Variants in CDH2 observed in about 807,000 individuals in gnomAD.
CDH2 encodes the protein cadherin-2.
Under a neutral mutation model 92.0 loss-of-function variants are expected in CDH2, and 17 were observed. The observed-to-expected ratio is 0.18, with a 90% CI of 0.13 to 0.28. The LOEUF (loss-of-function observed/expected upper bound fraction) is 0.28, where lower values mean the gene tolerates loss of function less well. Ranked by LOEUF, CDH2 falls within the 10% of genes least tolerant of loss-of-function variation. CDH2 has a pLI of 1.00. For synonymous variants in CDH2, 419 were observed against 415.9 expected (o/e 1.01, Z -0.09); for missense variants, 862 against 1,133.1 (o/e 0.76, Z 3.44).
chr18:28,063,083 T>C (rs2014435906), intron 2 of CDH2, among the ~76,000 whole-genome samples: 1 of 152,200 alleles, frequency 6.6e-6, no homozygotes, highest in African/African-American at 2.4e-5. Flanking sequence ...ACATTAGATA[T>C]AAGTAGCACT....
chr18:28,076,219 C>T (rs148819611), intron 2 of CDH2, among the ~76,000 whole-genome samples: 42 of 152,274 alleles, frequency 2.8e-4, no homozygotes, highest in South Asian at 8.3e-4. Flanking sequence ...CCTCCCAGAC[C>T]AATTACTATT....
At chr18:28,099,721 G>C (rs548690130) in intron 2 of CDH2, among the ~76,000 whole-genome samples, 2 of 152,138 alleles carry the variant, frequency 1.3e-5, no homozygotes, top group African/African-American at 4.8e-5. Flanking sequence ...CAAGGCCATG[G>C]AAGTATAAGA....
intron 7 of CDH2, among the ~76,000 whole-genome samples, chr18:27,994,945 C>T (rs1192594914): frequency 1.3e-5 from 2 of 152,120 alleles, no homozygotes; most frequent in South Asian, 2.1e-4. Context: ...TTAAAAAACA[C>T]ACACGCAGTA....
chr18:28,045,068 T>C (rs2014047194), intron 2 of CDH2, among the ~76,000 whole-genome samples: 1 of 152,120 alleles, frequency 6.6e-6, no homozygotes, highest in Non-Finnish European at 1.5e-5. Flanking sequence ...AACACCCACA[T>C]TCCTCTGAGC....
chr18:28,076,534 G>GT (rs926281357), intron 2 of CDH2, among the ~76,000 whole-genome samples: 42 of 151,762 alleles, frequency 2.8e-4, no homozygotes, highest in African/African-American at 8.9e-4. Context: ...TTTAGATACA[G>GT]TTTTTTTTCC....
Position 27,952,325 on chromosome 18 carries a change from G to A in CDH2, c.2549C>T (p.Pro850Leu). The A allele has an allele frequency of 6.2e-7, 1 of 1,613,578 alleles. No individual in the cohort carries two copies. The highest frequency in any genetic ancestry group is 8.5e-7 in the Non-Finnish European group (1 of 1,179,686). The change falls in exon 16 of 16, where the codon CCA (proline) becomes CTA (leucine). Residue 850 changes from proline to leucine, a missense_variant. By Grantham distance (98) the Pro-to-Leu change is moderately conservative. This residue lies in a region of CDH2 where 114 missense variants were observed against 144.8 expected (regional missense o/e 0.79). Transcript: ENST00000269141. ...AAACACTAACAGGGAGTCATATGGT[G>A]GAGCTGTGGGGTCATTGTCAGCCGC... is the stretch of plus-strand genomic sequence containing the variant. Reference protein sequence around the residue: ...LKAADNDPTAPPYDSLLVFDY... With the variant: ...LKAADNDPTALPYDSLLVFDY...
chr18:28,035,043 C>T (rs747455331), intron 2 of CDH2, among the ~76,000 whole-genome samples: 1 of 151,992 alleles, frequency 6.6e-6, no homozygotes, highest in East Asian at 1.9e-4. Context: ...TTATTTCTCT[C>T]GAGTTTATCA....
At chr18:28,104,962 C>A (rs2015297868) in intron 2 of CDH2, among the ~76,000 whole-genome samples, 3 of 151,724 alleles carry the variant, frequency 2.0e-5, no homozygotes, top group South Asian at 4.2e-4. Flanking sequence ...AGCTTGATAC[C>A]ATGATTTTTT....
intron 2 of CDH2, among the ~76,000 whole-genome samples, chr18:28,094,848 T>C (rs1233122333): frequency 6.9e-6 from 1 of 144,526 alleles, no homozygotes; most frequent in Admixed American, 7.0e-5. Flanking sequence ...CTCTAAATGC[T>C]ACCTTTCAGA....
intron 1 of CDH2, among the ~76,000 whole-genome samples, chr18:28,172,649 G>A (rs1373398286): frequency 6.6e-6 from 1 of 152,070 alleles, no homozygotes; most frequent in African/African-American, 2.4e-5. Flanking sequence ...TTATTCAGAT[G>A]ACAAAATCCA....
At chr18:27,969,305 A>G (rs1172656181) in intron 14 of CDH2, among the ~76,000 whole-genome samples, 2 of 152,204 alleles carry the variant, frequency 1.3e-5, no homozygotes, top group Admixed American at 1.3e-4. Flanking sequence ...TCTTACTGGT[A>G]GCCAGTTTTC....
chr18:27,955,924 C>T (rs1437386687), intron 15 of CDH2, among the ~76,000 whole-genome samples: 1 of 152,076 alleles, frequency 6.6e-6, no homozygotes, highest in Non-Finnish European at 1.5e-5. Context: ...GCTTTCTATG[C>T]AGGTTAAGTA....
intron 14 of CDH2, among the ~76,000 whole-genome samples, chr18:27,971,143 G>T (rs1026156120): frequency 1.3e-5 from 2 of 152,076 alleles, no homozygotes; most frequent in African/African-American, 2.4e-5. Context: ...GGCTGAGGCA[G>T]GAGAATTGCT....
chr18:28,064,601 G>A (rs1351499921), intron 2 of CDH2, among the ~76,000 whole-genome samples: 2 of 151,720 alleles, frequency 1.3e-5, no homozygotes, highest in East Asian at 1.9e-4. Context: ...GGGGATGAAT[G>A]GAACTGGCCA....
intron 14 of CDH2, among the ~76,000 whole-genome samples, chr18:27,967,244 GAAGTATCCTC>G (rs1165761839): frequency 3.3e-5 from 5 of 152,158 alleles, no homozygotes; most frequent in African/African-American, 4.8e-5. Flanking sequence ...GCAGCGTGTG[GAAGTATCCTC>G]CGGCCACAGG....
intron 2 of CDH2, among the ~76,000 whole-genome samples, chr18:28,083,019 A>G (rs2014860818): frequency 6.6e-6 from 1 of 152,186 alleles, no homozygotes; most frequent in Non-Finnish European, 1.5e-5. Context: ...ATGCCAACTG[A>G]GCAAAAAAGA....
chr18:28,078,680 T>A (rs2014771357), intron 2 of CDH2, among the ~76,000 whole-genome samples: 1 of 149,928 alleles, frequency 6.7e-6, no homozygotes, highest in Non-Finnish European at 1.5e-5. Context: ...TACATTGATT[T>A]TTTTTTTTTT....
At chr18:27,936,193 A>G (rs1909014613) in intron 6 of CDH2, among the ~76,000 whole-genome samples, 4 of 152,212 alleles carry the variant, frequency 2.6e-5, no homozygotes, top group Admixed American at 1.3e-4. Context: ...ATTAATATCT[A>G]TATACATTTA....
chr18:28,011,255 A>AT lies in CDH2; in HGVS notation c.546+590dup, dbSNP rs763486850. Among the ~76,000 whole-genome samples, 15 of 151,476 alleles carry AT rather than the reference A, an allele frequency of 9.9e-5. 1 individual carries two copies. In the South Asian group the frequency reaches 2.3e-3, roughly 23 times the overall value. ...TTTATTAAAATGCAAAAATATCTGC[A>AT]TTTTTTTTCTGTAGCTGATGGTATG... On this transcript the variant is annotated intron_variant, in intron 4 of 15. Transcript: ENST00000269141.
Sources: allele counts gnomAD v4.1 joint callset (sites outside exome capture counted in the v4.1 genomes callset), GRCh38; gene constraint gnomAD v4.1.1; regional missense constraint gnomAD v4.1.1; transcripts MANE v1.5; gene names NCBI Gene and HGNC (gene_info 2026-07-23, HGNC 2026-07-21).